Variants in IQGAP2 observed in about 807,000 individuals in gnomAD.
IQGAP2 encodes the protein ras GTPase-activating-like protein IQGAP2.
In IQGAP2, 173 loss-of-function variants were observed where a neutral mutation model predicts 201.3. That is an observed-to-expected ratio of 0.86 (90% CI 0.76 to 0.98). The LOEUF is 0.98. IQGAP2 is among the 50% of genes least tolerant of loss of function. The probability of loss-of-function intolerance (pLI) is 0.00; values close to 1 mark genes in which losing one functional copy is unlikely to be tolerated. For synonymous variants in IQGAP2, 675 were observed against 673.9 expected, an observed-to-expected ratio of 1.00 and a Z score of -0.03; for missense variants, 1,687 against 1,864.8, an observed-to-expected ratio of 0.90 and a Z score of 1.76.
At chr5:76,546,760 CAT>C (rs1443936938) in intron 2 of IQGAP2, among the ~76,000 whole-genome samples, 1 of 152,160 alleles carries the variant, frequency 6.6e-6, no homozygotes, top group South Asian at 2.1e-4. Context: ...TACGGACACA[CAT>C]GTCAGGAAAG....
chr5:76,442,323 A>G (rs1463760932), intron 1 of IQGAP2, among the ~76,000 whole-genome samples: 1 of 152,240 alleles, frequency 6.6e-6, no homozygotes, highest in Non-Finnish European at 1.5e-5. Context: ...CTTAACTTCT[A>G]ATAGTCTGAT....
At position 76,643,944 on chromosome 5, in the gene IQGAP2, G is replaced by A. The variant is rs141717829; in HGVS notation, c.2094+2841G>A. Among the ~76,000 whole-genome samples the A allele has an allele frequency of 2.9e-3, 435 of 152,010 alleles. 1 individual carries two copies. Among genetic ancestry groups the A allele is most frequent in the African/African-American group, 0.01 (416 of 41,468 alleles). On this transcript the variant is annotated intron_variant, in intron 17 of 35. Coordinates refer to ENST00000274364, the MANE Select transcript of IQGAP2 (RefSeq NM_006633.5). ...TGGATTTTTTTTACCTTTGAGGAGA[G>A]GGAGAAGAGGTAAATGTTTAGGGCT...
At chr5:76,623,005 C>CTA (rs1435230435) in intron 13 of IQGAP2, among the ~76,000 whole-genome samples, 4 of 152,156 alleles carry the variant, frequency 2.6e-5, no homozygotes, top group African/African-American at 9.7e-5. Context: ...AGTGAATGAA[C>CTA]TATAGATGTT....
intron 17 of IQGAP2, among the ~76,000 whole-genome samples, chr5:76,642,351 A>G (rs1751653134): frequency 6.6e-6 from 1 of 152,118 alleles, no homozygotes; most frequent in African/African-American, 2.4e-5. Context: ...AGGATGAGAG[A>G]AATGGGGTAA....
At chr5:76,683,464 G>T (rs1580812106) in intron 29 of IQGAP2, among the ~76,000 whole-genome samples, 1 of 152,144 alleles carries the variant, frequency 6.6e-6, no homozygotes, top group East Asian at 1.9e-4. Flanking sequence ...AAAAGGAATT[G>T]TCAACCTGTA....
intron 13 of IQGAP2, among the ~76,000 whole-genome samples, chr5:76,614,869 T>C (rs1417987849): frequency 6.6e-6 from 1 of 152,176 alleles, no homozygotes; most frequent in Non-Finnish European, 1.5e-5. Context: ...TTGCTGGTAT[T>C]ATCAGTATAA....
At chr5:76,656,021 T>C (rs989793213) in intron 20 of IQGAP2, among the ~76,000 whole-genome samples, 7 of 152,186 alleles carry the variant, frequency 4.6e-5, no homozygotes, top group African/African-American at 1.7e-4. Flanking sequence ...AATTAAGGGA[T>C]GAAGTATATG....
At chr5:76,411,169 A>G (rs1751094037) in intron 1 of IQGAP2, among the ~76,000 whole-genome samples, 1 of 152,216 alleles carries the variant, frequency 6.6e-6, no homozygotes, top group Admixed American at 6.5e-5. Flanking sequence ...CTGATGCGCT[A>G]GAGCATCAGA....
chr5:76,596,290 C>T (rs1747028237), intron 9 of IQGAP2, among the ~76,000 whole-genome samples: 2 of 152,174 alleles, frequency 1.3e-5, no homozygotes, highest in African/African-American at 4.8e-5. Flanking sequence ...GTTACTTCTG[C>T]TACCCAGATG....
At chr5:76,611,247 G>A (rs1748384500) in intron 13 of IQGAP2, 64 bp downstream of exon 13, 7 of 1,295,946 alleles carry the variant, frequency 5.4e-6, no homozygotes, top group African/African-American at 3.0e-5. Context: ...GAGAGAAGGA[G>A]GAGGATTTGA....
At chr5:76,624,408 G>A (rs1750030009) in intron 13 of IQGAP2, 1 of 152,162 alleles carries the variant, frequency 6.6e-6, no homozygotes, top group Non-Finnish European at 1.5e-5. Context: ...AAAGGCTAGG[G>A]ATATGCTAGG....
intron 2 of IQGAP2, among the ~76,000 whole-genome samples, chr5:76,468,645 C>T (rs1754924423): frequency 6.6e-6 from 1 of 152,176 alleles, no homozygotes; most frequent in African/African-American, 2.4e-5. Flanking sequence ...TCAGATAAAT[C>T]TTTTCAAAAC....
chr5:76,462,444 A>G (rs1449875535), intron 2 of IQGAP2, among the ~76,000 whole-genome samples: 5 of 152,326 alleles, frequency 3.3e-5, no homozygotes, highest in African/African-American at 1.2e-4. Context: ...CCAAGGAGAA[A>G]GTGAAGATAA....
At chr5:76,441,167 T>A (rs1400905520) in intron 1 of IQGAP2, among the ~76,000 whole-genome samples, 1 of 152,226 alleles carries the variant, frequency 6.6e-6, no homozygotes, top group Non-Finnish European at 1.5e-5. Flanking sequence ...AATAGTACTT[T>A]ATTCACACAG....
At chr5:76,550,165 A>T (rs531279006) in intron 2 of IQGAP2, among the ~76,000 whole-genome samples, 1 of 152,326 alleles carries the variant, frequency 6.6e-6, no homozygotes, top group South Asian at 2.1e-4. Flanking sequence ...AAATACAATG[A>T]TGGGGACAGG....
intron 20 of IQGAP2, among the ~76,000 whole-genome samples, chr5:76,658,032 G>C (rs1015152487): frequency 2.0e-5 from 3 of 151,914 alleles, no homozygotes; most frequent in Middle Eastern, 6.3e-3. Flanking sequence ...TGGGCTGGGA[G>C]AAACCACTTT....
chr5:76,413,156 C>CTTTTTTTT lies in IQGAP2; in HGVS notation c.46+9588_46+9595dup, dbSNP rs567410789. Among the ~76,000 whole-genome samples the CTTTTTTTT allele has an allele frequency of 8.0e-4, 67 of 83,692 alleles. 1 individual carries two copies. The highest frequency in any genetic ancestry group is 1.1e-3 in the Admixed American group (7 of 6,564). 54.9% of individuals were successfully genotyped at this position (83,692 alleles called of 152,430 possible). Reference sequence around the variant, plus strand: ...TATTTTCTTTTTTCTTTTCTTTTCTCTTTTTTTTTTTTTTTTTTTTTTTTT... The same window carrying CTTTTTTTT: ...TATTTTCTTTTTTCTTTTCTTTTCTCTTTTTTTTTTTTTTTTTTTTTTTTTTTTTTTTT... On this transcript the variant is annotated intron_variant, in intron 1 of 35. Coordinates refer to ENST00000274364, the MANE Select transcript of IQGAP2 (RefSeq NM_006633.5).
At chr5:76,489,638 A>AT (rs1345135326) in intron 2 of IQGAP2, among the ~76,000 whole-genome samples, 13 of 151,740 alleles carry the variant, frequency 8.6e-5, no homozygotes, top group Non-Finnish European at 1.8e-4. Context: ...ACTCTTTTGG[A>AT]TTTTTTTAGT....
At chr5:76,693,315 C>T in intron 30 of IQGAP2, 40 bp from the exon 31 acceptor site, 2 of 1,409,332 alleles carry the variant, frequency 1.4e-6, no homozygotes, top group Non-Finnish European at 2.0e-6. Flanking sequence ...TGCATAAGGA[C>T]TACAGTCTGA....
Sources: gnomAD v4.1 joint callset for allele counts (sites outside exome capture counted in the v4.1 genomes callset) on GRCh38, gnomAD v4.1.1 for gene constraint, MANE v1.5 for transcripts, NCBI Gene and HGNC (gene_info 2026-07-23, HGNC 2026-07-21) for gene names.